AKNA: variants seen among roughly 807,000 people sequenced by gnomAD.
The protein encoded by AKNA is microtubule organization protein AKNA.
In AKNA, 67 loss-of-function variants were observed where a neutral mutation model predicts 138.8. The ratio of observed to expected loss-of-function variants is 0.48; its 90% CI spans 0.40 to 0.59. AKNA has a LOEUF of 0.59. Ranked by LOEUF, AKNA falls within the 20% of genes least tolerant of loss-of-function variation. The pLI, the probability that AKNA is intolerant of heterozygous loss-of-function variation, is 0.00. For synonymous variants in AKNA, 737 were observed against 754.4 expected (o/e 0.98, Z 0.38); for missense variants, 1,813 against 1,880.4 (o/e 0.96, Z 0.66).
At chr9:114,341,861 T>C in intron 20 of AKNA, 136 bp from the exon 21 acceptor site, 1 of 1,316,252 alleles carries the variant, frequency 7.6e-7, no homozygotes, top group Non-Finnish European at 1.1e-6. Flanking sequence ...GTCGGGGAGG[T>C]CTCTCTTTGG....
In AKNA at chr9:114,359,715, C is replaced by A. The variant is rs773105528; in HGVS notation, c.2371G>T (p.Gly791Trp). Residue 791 changes from glycine (G) to tryptophan (W), a missense_variant, in exon 11 of 22, where the codon GGG becomes TGG. Transcript: ENST00000374088. ...EEGEEEEEEE[G>W]GGDSLEVDGV... ...TCAACTTCCAGGGAGTCACCTCCCC[C>A]CTCTTCCTCCTCCTCCTCCTCTCCT... 20 of 1,610,088 alleles carry A rather than the reference C, an allele frequency of 1.2e-5. No individual in the cohort carries two copies. The Middle Eastern group carries it at 8.3e-4, about 67-fold the overall frequency.
intron 21 of AKNA, 73 bp downstream of exon 21, chr9:114,341,460 A>T (rs1261536077): frequency 1.3e-6 from 2 of 1,586,980 alleles, no homozygotes; most frequent in Non-Finnish European, 1.7e-6. Context: ...CAGCTGCCCC[A>T]CCCAGGTCTG....
upstream of AKNA, among the ~76,000 whole-genome samples, chr9:114,395,736 TAA>T (rs11297740): frequency 0.22 from 23,545 of 108,362 alleles, 2,619 homozygotes; most frequent in Middle Eastern, 0.31. Flanking sequence ...CAGCTGTCTT[TAA>T]AAAAAAAAAA....
At chr9:114,331,516 C>A, downstream of AKNA, 3 of 1,449,450 alleles carry the variant, frequency 2.1e-6, no homozygotes, top group East Asian at 2.3e-5. Context: ...GTAAGACAGG[C>A]ACCATTGTGC....
intron 1 of AKNA, among the ~76,000 whole-genome samples, chr9:114,382,276 G>C (rs1833740415): frequency 6.6e-6 from 1 of 152,150 alleles, no homozygotes; most frequent in Non-Finnish European, 1.5e-5. Flanking sequence ...TTCAGATTGA[G>C]AGGTGGGGGA....
intron 4 of AKNA, among the ~76,000 whole-genome samples, chr9:114,373,885 C>CAAAAAAAA (rs758805914): frequency 2.5e-5 from 2 of 78,990 alleles, no homozygotes; most frequent in African/African-American, 5.6e-5. Context: ...GACCCTGACT[C>CAAAAAAAA]AAAAAAAAAA....
At chr9:114,358,668 T>G (rs1332061865) in intron 11 of AKNA, among the ~76,000 whole-genome samples, 1 of 151,874 alleles carries the variant, frequency 6.6e-6, no homozygotes, top group Non-Finnish European at 1.5e-5. Flanking sequence ...CTCTCTCTCT[T>G]TTTCCACAGA....
At chr9:114,359,316 G>A (rs1831746900) in intron 11 of AKNA, 2 of 558,838 alleles carry the variant, frequency 3.6e-6, no homozygotes, top group African/African-American at 1.9e-5. Flanking sequence ...TGATCCACCT[G>A]CCTTGGCCTC....
Position 114,376,806 on chromosome 9 carries a change from T to G in AKNA, c.1001A>C (p.Gln334Pro). ...GGAGCGGCCAGCCAGAGTGGCTCCCTGTCTGGGCAGCGGCCTGCCCTGCCG... is the reference window on the plus strand; with the variant it reads ...GGAGCGGCCAGCCAGAGTGGCTCCCGGTCTGGGCAGCGGCCTGCCCTGCCG... ...PTRQGRPLPR[Q>P]GATLAGRSSS... Residue 334 changes from glutamine (Q) to proline (P), a missense_variant, in exon 3 of 22, where the codon CAG (glutamine) becomes CCG (proline). By Grantham distance (76) the Gln-to-Pro change is moderately conservative. Coordinates refer to ENST00000374088, the MANE Select transcript of AKNA (RefSeq NM_001317950.2). 6.2e-7 allele frequency: 1 copy of G among 1,612,086 alleles called. No homozygotes were observed. Among genetic ancestry groups the G allele is most frequent in the Non-Finnish European group, 8.5e-7 (1 of 1,178,938 alleles).
intron 11 of AKNA, 56 bp from the exon 12 acceptor site, chr9:114,358,223 G>T: frequency 1.2e-6 from 2 of 1,606,434 alleles, no homozygotes; most frequent in South Asian, 2.2e-5. Flanking sequence ...CTGACGCAGG[G>T]GTTGGCCTGT....
intron 4 of AKNA, among the ~76,000 whole-genome samples, chr9:114,373,208 C>T (rs555744578): frequency 3.3e-5 from 5 of 152,290 alleles, no homozygotes; most frequent in Non-Finnish European, 5.9e-5. Context: ...CAGGAAGCCA[C>T]GAGGGGCCGC....
intron 15 of AKNA, among the ~76,000 whole-genome samples, chr9:114,348,237 C>T (rs1398788361): frequency 1.3e-5 from 2 of 152,196 alleles, no homozygotes; most frequent in African/African-American, 2.4e-5. Flanking sequence ...GCCCTAGCTA[C>T]AGTTCTGCCA....
In AKNA at chr9:114,359,936, C is replaced by T. The variant is rs778187081; in HGVS notation, c.2251G>A (p.Glu751Lys). 3.7e-6 allele frequency: 6 copies of T among 1,614,090 alleles called. No homozygotes were observed. In the African/African-American group the frequency reaches 6.7e-5, roughly 18 times the overall value. The change falls in exon 10 of 22, where the codon GAG (glutamate) becomes AAG (lysine). Residue 751 changes from glutamate (E) to lysine (K), a missense_variant. Coordinates refer to ENST00000374088, the MANE Select transcript of AKNA (RefSeq NM_001317950.2). ...QDPLARLRHK[E>K]LQMEQVYHGL... ...TGGTAAACTTGCTCCATCTGCAGCTCCTTGTGCCTGAGTCGGGCCAGGGGG... is the reference window on the plus strand; with the variant it reads ...TGGTAAACTTGCTCCATCTGCAGCTTCTTGTGCCTGAGTCGGGCCAGGGGG...
Position 114,361,855 on chromosome 9 carries a change from T to A in AKNA, c.1973A>T (p.His658Leu), listed in dbSNP as rs779649184. Residue 658 changes from histidine to leucine, a missense_variant, in exon 9 of 22, where the codon CAC becomes CTC. Coordinates refer to ENST00000374088, the MANE Select transcript of AKNA (RefSeq NM_001317950.2). ...LGSCLEELKE[H>L]IDQTQQEPEP... ...AGGCTCTTGCTGGGTCTGGTCTATG[T>A]GTTCCTTCAGCTCTTCCAGGCAGCT... The A allele has an allele frequency of 6.2e-6, 10 of 1,610,806 alleles. No individual in the cohort carries two copies. The Admixed American group carries it at 6.7e-5, about 11-fold the overall frequency.
At chr9:114,348,254 A>G (rs1588954706) in intron 15 of AKNA, among the ~76,000 whole-genome samples, 1 of 152,168 alleles carries the variant, frequency 6.6e-6, no homozygotes, top group South Asian at 2.1e-4. Flanking sequence ...GCCATAAAAT[A>G]CCAACCTTCA....
chr9:114,331,506 G>C (rs1229185993), downstream of AKNA: 1 of 1,401,404 alleles, frequency 7.1e-7, no homozygotes, highest in African/African-American at 1.4e-5. Context: ...CTCCTCACCT[G>C]TAAGACAGGC....
At chr9:114,380,725 C>G (rs1833576379) in intron 2 of AKNA, among the ~76,000 whole-genome samples, 1 of 151,790 alleles carries the variant, frequency 6.6e-6, no homozygotes, top group Non-Finnish European at 1.5e-5. Flanking sequence ...CCTGTAATCC[C>G]AGCACTTTGG....
At chr9:114,381,641 T>C (rs1833680666) in intron 1 of AKNA, among the ~76,000 whole-genome samples, 195 bp from the exon 2 acceptor site, 1 of 145,634 alleles carries the variant, frequency 6.9e-6, no homozygotes, top group Admixed American at 6.9e-5. Flanking sequence ...TAATAATTCC[T>C]CTCTCTCTCC....
chr9:114,357,795 G>A, intron 12 of AKNA, 126 bp downstream of exon 12: 1 of 1,451,252 alleles, frequency 6.9e-7, no homozygotes, highest in Non-Finnish European at 9.3e-7. Flanking sequence ...GATTGTGGCT[G>A]GCAGGGACAG....
Sources: allele counts gnomAD v4.1 joint callset (sites outside exome capture counted in the v4.1 genomes callset), GRCh38; gene constraint gnomAD v4.1.1; transcripts MANE v1.5; gene names NCBI Gene and HGNC (gene_info 2026-07-23, HGNC 2026-07-21).